ZNF480: variants seen among roughly 807,000 people sequenced by gnomAD.
ZNF480 encodes the protein zinc finger protein 480.
ZNF480 carries 15 observed loss-of-function variants against 14.4 expected under a neutral mutation model. The ratio of observed to expected loss-of-function variants is 1.04; its 90% CI spans 0.70 to 1.60. The LOEUF is 1.60. ZNF480 is among the 40% of genes most tolerant of loss of function. The pLI is 0.00. For synonymous variants in ZNF480, 218 were observed against 215.5 expected, an observed-to-expected ratio of 1.01 and a Z score of -0.10; for missense variants, 593 against 629.7, an observed-to-expected ratio of 0.94 and a Z score of 0.62.
chr19:52,319,811 G>GTTTTTTTT (rs56151161), intron 4 of ZNF480, among the ~76,000 whole-genome samples: 1 of 96,890 alleles, frequency 1.0e-5, no homozygotes, highest in African/African-American at 3.6e-5. Flanking sequence ...CTGATACTGT[G>GTTTTTTTT]TTTTTTTTTT....
intron 2 of ZNF480, 51 bp downstream of exon 2, chr19:52,300,535 C>G: frequency 6.2e-7 from 1 of 1,604,318 alleles, no homozygotes; most frequent in Non-Finnish European, 8.5e-7. Flanking sequence ...TTCAGAAACG[C>G]TGGGCCTTCG....
At chr19:52,318,464 C>G (rs1983659847) in intron 4 of ZNF480, among the ~76,000 whole-genome samples, 1 of 152,100 alleles carries the variant, frequency 6.6e-6, no homozygotes, top group African/African-American at 2.4e-5. Flanking sequence ...AATATTTTCT[C>G]ACATATGGTA....
intron 1 of ZNF480, among the ~76,000 whole-genome samples, chr19:52,298,673 A>G (rs992267389): frequency 1.3e-5 from 2 of 151,352 alleles, no homozygotes; most frequent in Non-Finnish European, 2.9e-5. Context: ...GGAGAATGGG[A>G]TGATCAAAGA....
intron 1 of ZNF480, among the ~76,000 whole-genome samples, chr19:52,297,507 A>T (rs1282316202): frequency 1.3e-5 from 2 of 151,902 alleles, no homozygotes; most frequent in Non-Finnish European, 2.9e-5. Context: ...TCCGCCCCGC[A>T]CAGCGTAAAG....
chr19:52,310,070 T>C (rs1983195564), intron 2 of ZNF480, among the ~76,000 whole-genome samples: 1 of 152,114 alleles, frequency 6.6e-6, no homozygotes, highest in Non-Finnish European at 1.5e-5. Flanking sequence ...CTTTCTTTCT[T>C]TTTGAGACAG....
intron 2 of ZNF480, among the ~76,000 whole-genome samples, chr19:52,311,806 C>G (rs1204449440): frequency 1.3e-5 from 2 of 151,004 alleles, no homozygotes; most frequent in Non-Finnish European, 2.9e-5. Flanking sequence ...GACCCTGTCT[C>G]TAAAAATTAA....
At chr19:52,315,239 G>A (rs563641753) in intron 3 of ZNF480, among the ~76,000 whole-genome samples, 11 of 150,838 alleles carry the variant, frequency 7.3e-5, no homozygotes, top group South Asian at 2.1e-4. Flanking sequence ...ATGAGCCCCC[G>A]CACCCAGCTG....
At chr19:52,301,905 GA>G (rs1982710297) in intron 2 of ZNF480, 1 of 157,146 alleles carries the variant, frequency 6.4e-6, no homozygotes, top group South Asian at 2.0e-4. Flanking sequence ...ATTATACAGG[GA>G]AGAATTCAAG....
chr19:52,301,266 C>T (rs1006948317), intron 2 of ZNF480: 2 of 152,420 alleles, frequency 1.3e-5, no homozygotes, highest in East Asian at 1.9e-4. Flanking sequence ...TTGTCTTGAT[C>T]CATTTTAACG....
At chr19:52,312,965 C>A (rs935405073) in intron 2 of ZNF480, among the ~76,000 whole-genome samples, 18 of 151,416 alleles carry the variant, frequency 1.2e-4, no homozygotes, top group Admixed American at 8.6e-4. Context: ...GGATTACAGG[C>A]ACCCACCAGT....
At position 52,322,911 on chromosome 19, in the gene ZNF480, A is replaced by C; in HGVS notation, c.*53A>C. On this transcript the variant is annotated 3_prime_UTR_variant, in exon 5 of 5. Coordinates refer to ENST00000595962, the MANE Select transcript of ZNF480 (RefSeq NM_144684.4). ...AGAATTTAGTGTGCACTCAAGCCTTACTACCCATCTTTTATTCCATACTGC... is the reference window on the plus strand; with the variant it reads ...AGAATTTAGTGTGCACTCAAGCCTTCCTACCCATCTTTTATTCCATACTGC... 6.8e-7 allele frequency: 1 copy of C among 1,475,220 alleles called. No individual in the cohort carries two copies. Among genetic ancestry groups the C allele is most frequent in the Non-Finnish European group, 9.0e-7 (1 of 1,105,666 alleles). The allele number at this position is 1,475,220 out of a possible 1,614,324, so 91.4% of individuals were successfully genotyped here. A position where few individuals can be genotyped will look rare whatever the true frequency, so the allele number is the denominator to read the frequency against.
chr19:52,314,052 A>G, intron 2 of ZNF480, 101 bp from the exon 3 acceptor site: 1 of 1,300,782 alleles, frequency 7.7e-7, no homozygotes, highest in Non-Finnish European at 1.0e-6. Flanking sequence ...TCGTCAGAAC[A>G]TTCTCTTCAA....
In ZNF480 at chr19:52,323,037, A is replaced by C; in HGVS notation, c.*179A>C. On this transcript the variant is annotated 3_prime_UTR_variant, in exon 5 of 5. Transcript: ENST00000595962. The stretch of plus-strand genomic sequence containing the variant: ...TATACTGGAGAGACTTCACAATTAT[A>C]ATAAATGTGTGGAAAAGTCTTCAAA... The C allele has an allele frequency of 2.0e-6, 1 of 489,558 alleles. No individual in the cohort carries two copies. Among genetic ancestry groups the C allele is most frequent in the Non-Finnish European group, 3.4e-6 (1 of 294,142 alleles). 30.3% of individuals were successfully genotyped at this position (489,558 alleles called of 1,614,324 possible). A position where few individuals can be genotyped will look rare whatever the true frequency, so the allele number is the denominator to read the frequency against.
intron 2 of ZNF480, among the ~76,000 whole-genome samples, chr19:52,313,084 A>G (rs1238128570): frequency 6.8e-6 from 1 of 146,672 alleles, no homozygotes; most frequent in East Asian, 2.1e-4. Flanking sequence ...GCCTCCCAAA[A>G]TGGTGGGATT....
At chr19:52,306,338 G>T (rs1982927483) in intron 2 of ZNF480, among the ~76,000 whole-genome samples, 1 of 152,182 alleles carries the variant, frequency 6.6e-6, no homozygotes. Context: ...TTCCCTGCCT[G>T]AAGTGATTTT....
At chr19:52,299,988 A>G (rs1307127660) in intron 1 of ZNF480, among the ~76,000 whole-genome samples, 1 of 152,208 alleles carries the variant, frequency 6.6e-6, no homozygotes, top group African/African-American at 2.4e-5. Flanking sequence ...GGATACGGGG[A>G]TTCCAGTGTG....
At chr19:52,300,241 C>T (rs1982622456) in intron 1 of ZNF480, among the ~76,000 whole-genome samples, 153 bp from the exon 2 acceptor site, 1 of 152,210 alleles carries the variant, frequency 6.6e-6, no homozygotes, top group South Asian at 2.1e-4. Context: ...GTTGTTCTTC[C>T]TGTAGGAGTT....
At chr19:52,306,113 C>G (rs1014560334) in intron 2 of ZNF480, among the ~76,000 whole-genome samples, 2 of 152,152 alleles carry the variant, frequency 1.3e-5, no homozygotes, top group African/African-American at 4.8e-5. Context: ...AATACCATCA[C>G]AAGCTTTAAT....
chr19:52,321,657 T>A lies in ZNF480; in HGVS notation c.407T>A (p.Leu136Gln). The A allele has an allele frequency of 6.2e-7, 1 of 1,613,834 alleles. No homozygotes were observed. The highest frequency in any genetic ancestry group is 1.3e-5 in the African/African-American group (1 of 75,052). The part of the protein sequence containing the change: ...KQLGVSFHLH[L>Q]SELELFPDER... ...CTTGGAGTATCCTTTCACTTACATC[T>A]GTCTGAACTGGAGCTATTTCCAGAT... Residue 136 changes from leucine (L) to glutamine (Q), a missense_variant, in exon 5 of 5, where the codon CTG (leucine) becomes CAG (glutamine). Leu to Gln is a moderately radical substitution (Grantham distance 113). Transcript: ENST00000595962.
Sources: gnomAD v4.1 joint callset for allele counts (sites outside exome capture counted in the v4.1 genomes callset) on GRCh38, gnomAD v4.1.1 for gene constraint, MANE v1.5 for transcripts, NCBI Gene and HGNC (gene_info 2026-07-23, HGNC 2026-07-21) for gene names.